Variants in CADPS2 observed in about 807,000 individuals in gnomAD.
The protein encoded by CADPS2 is calcium dependent secretion activator 2, also known as calcium-dependent secretion activator 2.
CADPS2 carries 93 observed loss-of-function variants against 172.5 expected under a neutral mutation model. The observed-to-expected ratio is 0.54, with a 90% CI of 0.46 to 0.64. The LOEUF is 0.64. Among genes scored for constraint, CADPS2 ranks in the 30% least tolerant of loss-of-function variants. The probability of loss-of-function intolerance (pLI) is 0.00; values close to 1 mark genes in which losing one functional copy is unlikely to be tolerated. For missense variants in CADPS2, 1,420 were observed against 1,565.9 expected, an observed-to-expected ratio of 0.91 and a Z score of 1.57; for synonymous variants, 546 against 555.2, an observed-to-expected ratio of 0.98 and a Z score of 0.23.
At chr7:122,418,299 A>G (rs1486395067) in intron 17 of CADPS2, among the ~76,000 whole-genome samples, 1 of 152,240 alleles carries the variant, frequency 6.6e-6, no homozygotes, top group East Asian at 1.9e-4. Flanking sequence ...ACTCACAGAT[A>G]AGGAAACATG....
chr7:122,427,031 T>G (rs2049249763), intron 17 of CADPS2: 1 of 152,180 alleles, frequency 6.6e-6, no homozygotes, highest in Non-Finnish European at 1.5e-5. Context: ...TAGGAAAGAT[T>G]CTAGCAAGAG....
rs563978741 is a variant in CADPS2 at position 122,817,840 on chromosome 7, G to C, written c.339+68159C>G. On this transcript the variant is annotated intron_variant, in intron 1 of 29. Transcript: ENST00000449022. ...CCATGCCCCAACCTCTTATATCTCT[G>C]CACCCCAATCCCTTATTTCCATGCC... Among the ~76,000 whole-genome samples, 80 of 149,580 alleles carry C rather than the reference G, an allele frequency of 5.3e-4. 1 individual carries two copies. The highest frequency in any genetic ancestry group is 2.0e-3 in the African/African-American group (79 of 40,498).
intron 17 of CADPS2, among the ~76,000 whole-genome samples, chr7:122,424,735 G>T (rs953355257): frequency 1.3e-4 from 20 of 152,060 alleles, no homozygotes; most frequent in Non-Finnish European, 2.6e-4. Flanking sequence ...TATTAAAGTT[G>T]TCTTTTCATT....
chr7:122,623,789 C>A (rs1263777732), intron 4 of CADPS2, among the ~76,000 whole-genome samples: 1 of 152,068 alleles, frequency 6.6e-6, no homozygotes, highest in Non-Finnish European at 1.5e-5. Flanking sequence ...CACAATTCTA[C>A]CCCTAAAAAA....
intron 1 of CADPS2, among the ~76,000 whole-genome samples, chr7:122,852,960 G>A (rs576707179): frequency 1.1e-4 from 16 of 152,228 alleles, no homozygotes; most frequent in South Asian, 4.1e-4. Context: ...TCTCCACTTC[G>A]AAAATCCACC....
chr7:122,598,701 C>T (rs979958960), intron 6 of CADPS2, among the ~76,000 whole-genome samples: 2 of 152,042 alleles, frequency 1.3e-5, no homozygotes, highest in African/African-American at 4.8e-5. Context: ...AAACAGTGTC[C>T]TCCCTATAGA....
intron 1 of CADPS2, among the ~76,000 whole-genome samples, chr7:122,783,163 C>T (rs905718604): frequency 6.7e-6 from 1 of 149,400 alleles, no homozygotes; most frequent in Non-Finnish European, 1.5e-5. Flanking sequence ...TTGCAGTGAG[C>T]CGAGAGGCGA....
rs147710677 is a variant in CADPS2 at position 122,619,193 on chromosome 7, ATTGT to A, written c.1104+2284_1104+2287del. Among the ~76,000 whole-genome samples, 1,406 of 152,276 alleles carry A rather than the reference ATTGT, an allele frequency of 9.2e-3. 23 individuals carry two copies. The highest frequency in any genetic ancestry group is 0.032 in the African/African-American group (1,324 of 41,562). The stretch of plus-strand genomic sequence containing the variant: ...AATTCATAAGAAGTTAATTATTACA[ATTGT>A]TTAAGATTTTTGAACAATAGAGAAA... On this transcript the variant is annotated intron_variant, in intron 5 of 29. Coordinates refer to ENST00000449022, the MANE Select transcript of CADPS2 (RefSeq NM_017954.11).
At chr7:122,710,125 G>A (rs2088464760) in intron 2 of CADPS2, among the ~76,000 whole-genome samples, 1 of 148,418 alleles carries the variant, frequency 6.7e-6, no homozygotes, top group Non-Finnish European at 1.5e-5. Flanking sequence ...GTCATTGAAA[G>A]TTTGCATATG....
intron 1 of CADPS2, among the ~76,000 whole-genome samples, chr7:122,758,201 C>G (rs1193378735): frequency 6.6e-6 from 1 of 152,034 alleles, no homozygotes; most frequent in Non-Finnish European, 1.5e-5. Flanking sequence ...GTTCTTTTTG[C>G]TGAAAATTGC....
chr7:122,387,214 A>G (rs1204569398), intron 23 of CADPS2, 41 bp from the exon 24 acceptor site: 59 of 1,543,528 alleles, frequency 3.8e-5, no homozygotes, highest in Non-Finnish European at 5.0e-5. Flanking sequence ...AAATTCTGCT[A>G]TACAGCTCAC....
chr7:122,594,377 T>C (rs2071410985), intron 6 of CADPS2, among the ~76,000 whole-genome samples: 1 of 135,838 alleles, frequency 7.4e-6, no homozygotes, highest in African/African-American at 2.9e-5. Flanking sequence ...ATGACTTTCA[T>C]AATAAGAAAA....
intron 6 of CADPS2, among the ~76,000 whole-genome samples, chr7:122,582,472 A>G (rs1423657446): frequency 1.3e-5 from 2 of 152,068 alleles, no homozygotes; most frequent in African/African-American, 2.4e-5. Flanking sequence ...AGAAGAATCA[A>G]TTAGGGAAGA....
At chr7:122,800,991 C>CA (rs34506571) in intron 1 of CADPS2, among the ~76,000 whole-genome samples, 3,858 of 62,742 alleles carry the variant, frequency 0.061, 83 homozygotes, top group Middle Eastern at 0.11. Context: ...GACTCTGCCT[C>CA]AAAAAAAAAA....
chr7:122,372,005 A>G (rs1563174406), intron 25 of CADPS2, among the ~76,000 whole-genome samples: 1 of 152,190 alleles, frequency 6.6e-6, no homozygotes, highest in Admixed American at 6.5e-5. Flanking sequence ...TAACAATATC[A>G]ACTAATATTT....
chr7:122,526,118 G>T (rs149884311), intron 8 of CADPS2, among the ~76,000 whole-genome samples: 86 of 152,206 alleles, frequency 5.7e-4, no homozygotes, highest in African/African-American at 2.0e-3. Flanking sequence ...GTGTTAGTTG[G>T]TCAGAGACAT....
intron 2 of CADPS2, among the ~76,000 whole-genome samples, chr7:122,732,830 A>T (rs12669923): frequency 0.17 from 24,075 of 138,586 alleles, 2,668 homozygotes; most frequent in East Asian, 0.42. Flanking sequence ...TATTATATAT[A>T]ATATACATTA....
At chr7:122,847,472 T>C (rs1812301864) in intron 1 of CADPS2, among the ~76,000 whole-genome samples, 1 of 152,238 alleles carries the variant, frequency 6.6e-6, no homozygotes. Context: ...ATGAGTCTTT[T>C]ACTTTCTTCA....
In CADPS2 at chr7:122,706,974, G is replaced by A. The variant is rs143572788; in HGVS notation, c.453+29981C>T. ...ATCATGATTATCTTAGGTTAATCAT[G>A]ATTTATCCTGTTGTAGAGAGCTCTT... On this transcript the variant is annotated intron_variant, in intron 2 of 29. Transcript: ENST00000449022. Among the ~76,000 whole-genome samples the A allele has an allele frequency of 1.7e-3, 264 of 151,408 alleles. 5 individuals carry two copies. The South Asian group carries it at 0.02, about 12-fold the overall frequency.
Sources: gnomAD v4.1 joint callset for allele counts (sites outside exome capture counted in the v4.1 genomes callset) on GRCh38, gnomAD v4.1.1 for gene constraint, MANE v1.5 for transcripts, NCBI Gene and HGNC (gene_info 2026-07-23, HGNC 2026-07-21) for gene names.